RBM28: variants seen among roughly 807,000 people sequenced by gnomAD.
The protein encoded by RBM28 is RNA binding motif protein 28.
Under a neutral mutation model 98.3 loss-of-function variants are expected in RBM28, and 78 were observed. That is an observed-to-expected ratio of 0.79 (90% CI 0.66 to 0.96). RBM28 has a LOEUF of 0.96. Among genes scored for constraint, RBM28 ranks in the 40% least tolerant of loss-of-function variants. The pLI, the probability that RBM28 is intolerant of heterozygous loss-of-function variation, is 0.00. For synonymous variants in RBM28, 306 were observed against 330.9 expected (o/e 0.92, Z 0.82); for missense variants, 838 against 913.0 (o/e 0.92, Z 1.06).
intron 1 of RBM28, among the ~76,000 whole-genome samples, chr7:128,341,866 T>C (rs1796732787): frequency 6.6e-6 from 1 of 152,232 alleles, no homozygotes; most frequent in Non-Finnish European, 1.5e-5. Flanking sequence ...ACTCCTATAC[T>C]ATTTAATTTT....
chr7:128,317,720 T>C lies in RBM28; in HGVS notation c.1727A>G (p.Glu576Gly). 1.2e-6 allele frequency: 2 copies of C among 1,603,242 alleles called. No homozygotes were observed. Among genetic ancestry groups the C allele is most frequent in the Non-Finnish European group, 1.7e-6 (2 of 1,170,266 alleles). ...IFGPLKRPIV[E>G]FSLEDRRKLK... ...TTTTCTTCGATCTTCTAAAGAGAAC[T>C]CCACTATTGGTCTCTGTCAGAGGGA... Residue 576 changes from glutamate (E) to glycine (G), a missense_variant, in exon 16 of 19, where the codon GAG becomes GGG. By Grantham distance (98) the Glu-to-Gly change is moderately conservative. Coordinates refer to ENST00000223073, the MANE Select transcript of RBM28 (RefSeq NM_018077.3).
chr7:128,311,021 TG>T (rs1457425877), intron 18 of RBM28, 90 bp from the exon 19 acceptor site: 1 of 1,320,362 alleles, frequency 7.6e-7, no homozygotes, highest in Non-Finnish European at 1.1e-6. Context: ...AGAAAGTAAG[TG>T]GGACAGAGAT....
rs935439790 is a variant in RBM28, at chr7:128,298,336, G to A, written c.*12461C>T. On this transcript the variant is annotated 3_prime_UTR_variant, in exon 19 of 19. Transcript: ENST00000223073. Reference sequence around the variant, plus strand: ...AAAAAACTTGCTGGTTTGAGGCTCAGGTGGGCATCACAGTCCTACTGATAT... The same window carrying A: ...AAAAAACTTGCTGGTTTGAGGCTCAAGTGGGCATCACAGTCCTACTGATAT... The A allele has an allele frequency of 6.6e-6, 1 of 152,080 alleles. No individual in the cohort carries two copies. Among genetic ancestry groups the A allele is most frequent in the African/African-American group, 2.4e-5 (1 of 41,370 alleles). 9.4% of individuals were successfully genotyped at this position (152,080 alleles called of 1,614,324 possible). A position where few individuals can be genotyped will look rare whatever the true frequency, so the allele number is the denominator to read the frequency against.
chr7:128,312,021 T>C (rs1487226778), intron 18 of RBM28, among the ~76,000 whole-genome samples: 1 of 152,164 alleles, frequency 6.6e-6, no homozygotes, highest in Non-Finnish European at 1.5e-5. Flanking sequence ...TCCTCAAATC[T>C]ACTGATCAAT....
At chr7:128,335,794 G>A (rs546850507) in intron 7 of RBM28, 53 bp downstream of exon 7, 267 of 1,613,700 alleles carry the variant, frequency 1.7e-4, no homozygotes, top group East Asian at 2.9e-4. Flanking sequence ...TTTTCCTCTC[G>A]GAGACAATCT....
intron 14 of RBM28, among the ~76,000 whole-genome samples, chr7:128,320,963 C>T (rs1266377180): frequency 2.0e-5 from 3 of 152,160 alleles, no homozygotes; most frequent in Non-Finnish European, 4.4e-5. Context: ...GTCAGGAGTT[C>T]GAGACCAGCC....
At position 128,310,772 on chromosome 7, in the gene RBM28, C is replaced by T; in HGVS notation, c.*25G>A. ...TGTCACCAGAAAGTACACAACCCAG[C>T]TTCTTACCCAGCCTGCTGCCATCAT... On this transcript the variant is annotated 3_prime_UTR_variant, in exon 19 of 19. Coordinates refer to ENST00000223073, the MANE Select transcript of RBM28 (RefSeq NM_018077.3). 2 of 1,613,370 alleles carry T rather than the reference C, an allele frequency of 1.2e-6. No homozygotes were observed. The highest frequency in any genetic ancestry group is 1.6e-4 in the Middle Eastern group (1 of 6,062).
chr7:128,320,085 T>C (rs1430852255), intron 14 of RBM28, among the ~76,000 whole-genome samples: 3 of 151,336 alleles, frequency 2.0e-5, no homozygotes, highest in African/African-American at 7.3e-5. Context: ...GGCGTGGTGG[T>C]GCATGCCTGT....
chr7:128,325,009 C>CA (rs909762624), intron 11 of RBM28, among the ~76,000 whole-genome samples: 11 of 150,580 alleles, frequency 7.3e-5, no homozygotes, highest in Non-Finnish European at 1.3e-4. Flanking sequence ...GACTCCACCT[C>CA]AAAAAAAATA....
At position 128,318,107 on chromosome 7, in the gene RBM28, C is replaced by G. The variant is rs1796144243; in HGVS notation, c.1564-1G>C. On this transcript the variant is annotated splice_acceptor_variant, in intron 14 of 18. Transcript: ENST00000223073. LOFTEE classifies it high-confidence loss of function. ...CTTTGAGGTCTCGCATCACTCTACA[C>G]TATGAGTAGAGCAAGAAAAAAATCA... The G allele has an allele frequency of 6.2e-7, 1 of 1,610,408 alleles. No homozygotes were observed. The highest frequency in any genetic ancestry group is 1.3e-5 in the African/African-American group (1 of 74,826).
At chr7:128,335,420 A>C in intron 8 of RBM28, 123 bp downstream of exon 8, 2 of 1,204,248 alleles carry the variant, frequency 1.7e-6, no homozygotes, top group Non-Finnish European at 1.2e-6. Context: ...GCATTTAAAC[A>C]TAAATTTGAT....
At chr7:128,311,072 CTT>C (rs1795973623) in intron 18 of RBM28, 141 bp from the exon 19 acceptor site, 4 of 834,988 alleles carry the variant, frequency 4.8e-6, no homozygotes, top group Non-Finnish European at 7.6e-6. Context: ...GAGAGAGACT[CTT>C]AGAGAGAAAG....
At chr7:128,325,725 AAAT>A (rs2116353507) in intron 11 of RBM28, 90 bp downstream of exon 11, 2 of 890,332 alleles carry the variant, frequency 2.2e-6, no homozygotes, top group Non-Finnish European at 3.6e-6. Flanking sequence ...CTGACAAGAA[AAAT>A]AATAATAAAG....
rs754468231 is a variant in RBM28, at chr7:128,318,033, T to C, written c.1637A>G (p.Glu546Gly). Residue 546 changes from glutamate (E) to glycine (G), a missense_variant, in exon 15 of 19, where the codon GAG becomes GGG. Transcript: ENST00000223073. ...KGQSLGYAFAEFQEHEHALKA... is the reference protein window; with the variant it reads ...KGQSLGYAFAGFQEHEHALKA... ...CAGGGCATGCTCGTGCTCTTGGAACTCCGCAAAGGCGTAGCCCAGGGACTG... is the reference window on the plus strand; with the variant it reads ...CAGGGCATGCTCGTGCTCTTGGAACCCCGCAAAGGCGTAGCCCAGGGACTG... 2 of 1,614,028 alleles carry C rather than the reference T, an allele frequency of 1.2e-6. No individual in the cohort carries two copies. The highest frequency in any genetic ancestry group is 1.7e-5 in the Admixed American group (1 of 60,030).
chr7:128,343,566 C>T (rs1584669267), intron 1 of RBM28, 110 bp downstream of exon 1: 3 of 741,482 alleles, frequency 4.0e-6, no homozygotes, highest in Non-Finnish European at 6.6e-6. Flanking sequence ...ACTCAGTTCC[C>T]TGTCCCTTCT....
In RBM28 at chr7:128,323,477, T is replaced by C. The variant is rs755111791; in HGVS notation, c.1404+50A>G. On this transcript the variant is annotated intron_variant, in intron 13 of 18. Coordinates refer to ENST00000223073, the MANE Select transcript of RBM28 (RefSeq NM_018077.3). ...TCTAGCATTCGATAACTATTTTTGATTGATTTATAGGCCACGCAGAACGTG... is the reference window on the plus strand; with the variant it reads ...TCTAGCATTCGATAACTATTTTTGACTGATTTATAGGCCACGCAGAACGTG... 3.1e-6 allele frequency: 5 copies of C among 1,601,136 alleles called. No individual in the cohort carries two copies. The South Asian group carries it at 4.4e-5, about 14-fold the overall frequency.
At position 128,335,657 on chromosome 7, in the gene RBM28, C is replaced by T. The variant is rs767588805; in HGVS notation, c.832G>A (p.Ala278Thr). 1 of 1,614,166 alleles carries T rather than the reference C, an allele frequency of 6.2e-7. No individual in the cohort carries two copies. The highest frequency in any genetic ancestry group is 1.1e-5 in the South Asian group (1 of 91,082). Residue 278 changes from alanine to threonine, a missense_variant, in exon 8 of 19, where the codon GCA becomes ACA. Coordinates refer to ENST00000223073, the MANE Select transcript of RBM28 (RefSeq NM_018077.3). ...TCCTCAGAATGATCACTGCTTTTTGCAGGGGCTGGTCTCTTGACTGCTCTG... is the reference window on the plus strand; with the variant it reads ...TCCTCAGAATGATCACTGCTTTTTGTAGGGGCTGGTCTCTTGACTGCTCTG... ...QKRAVKRPAP[A>T]KSSDHSEEDS...
chr7:128,313,366 G>T, intron 17 of RBM28, 92 bp from the exon 18 acceptor site: 3 of 1,222,078 alleles, frequency 2.5e-6, no homozygotes, highest in Non-Finnish European at 3.6e-6. Flanking sequence ...CCAAGCCCAT[G>T]ATAAGTGAAG....
At chr7:128,313,106 A>G in intron 18 of RBM28, 69 bp downstream of exon 18, 3 of 1,486,316 alleles carry the variant, frequency 2.0e-6, no homozygotes, top group Admixed American at 3.3e-5. Flanking sequence ...TCAACTAACC[A>G]AGGTACAAAC....
Sources: allele counts gnomAD v4.1 joint callset (sites outside exome capture counted in the v4.1 genomes callset), GRCh38; gene constraint gnomAD v4.1.1; transcripts MANE v1.5; gene names NCBI Gene and HGNC (gene_info 2026-07-23, HGNC 2026-07-21).